PTPN13: variants seen among roughly 807,000 people sequenced by gnomAD.
PTPN13 encodes the protein tyrosine-protein phosphatase non-receptor type 13.
A neutral mutation model predicts 284.0 loss-of-function variants in PTPN13; 191 were observed. The ratio of observed to expected loss-of-function variants is 0.67; its 90% CI spans 0.60 to 0.76. The LOEUF is 0.76. PTPN13 is among the 30% of genes least tolerant of loss of function. The pLI, the probability that PTPN13 is intolerant of heterozygous loss-of-function variation, is 0.00. For synonymous variants in PTPN13, 986 were observed against 1,022.3 expected (o/e 0.96, Z 0.68); for missense variants, 2,797 against 2,939.9 (o/e 0.95, Z 1.12).
intron 42 of PTPN13, 78 bp from the exon 43 acceptor site, chr4:86,803,631 T>C: frequency 7.0e-7 from 1 of 1,438,200 alleles, no homozygotes; most frequent in East Asian, 2.3e-5. Flanking sequence ...TAAGATGAGG[T>C]GAACATAGGC....
At position 86,701,692 on chromosome 4, in the gene PTPN13, A is replaced by G. The variant is rs777701449; in HGVS notation, c.1086A>G (p.Ile362Met). ...DIFGPQKMDP[I>M]YHTRELPTSS... ...TTGGCCCTCAGAAAATGGATCCAATATATCACACTCGAGAATTGCCCACCT... is the reference window on the plus strand; with the variant it reads ...TTGGCCCTCAGAAAATGGATCCAATGTATCACACTCGAGAATTGCCCACCT... The change falls in exon 7 of 48, where the codon ATA becomes ATG. Residue 362 changes from isoleucine (I) to methionine (M), a missense_variant. Transcript: ENST00000411767. 2.5e-6 allele frequency: 4 copies of G among 1,613,948 alleles called. No homozygotes were observed. The highest frequency in any genetic ancestry group is 1.1e-5 in the South Asian group (1 of 91,084).
At chr4:86,647,218 A>G (rs762663608) in intron 2 of PTPN13, among the ~76,000 whole-genome samples, 2 of 152,192 alleles carry the variant, frequency 1.3e-5, no homozygotes, top group Non-Finnish European at 2.9e-5. Flanking sequence ...AGTATGTGCA[A>G]TTATTGTATG....
intron 8 of PTPN13, 132 bp downstream of exon 8, chr4:86,716,757 T>C (rs1733068513): frequency 1.3e-6 from 1 of 742,928 alleles, no homozygotes. Flanking sequence ...TTAAAAAAGC[T>C]GCTGGTTACT....
chr4:86,738,515 T>C (rs939640133), intron 15 of PTPN13, among the ~76,000 whole-genome samples: 1 of 152,250 alleles, frequency 6.6e-6, no homozygotes, highest in Non-Finnish European at 1.5e-5. Context: ...ATCATCTTTA[T>C]TGATGTGTCA....
chr4:86,710,078 C>T (rs1197753815), intron 7 of PTPN13, among the ~76,000 whole-genome samples: 1 of 152,096 alleles, frequency 6.6e-6, no homozygotes, highest in African/African-American at 2.4e-5. Flanking sequence ...TCGCTAATCT[C>T]CCAAAATTAT....
chr4:86,692,035 T>C (rs955687146), intron 5 of PTPN13, among the ~76,000 whole-genome samples: 1 of 152,228 alleles, frequency 6.6e-6, no homozygotes, highest in Non-Finnish European at 1.5e-5. Context: ...AAAGTAGTTA[T>C]TTCCACATTA....
intron 17 of PTPN13, among the ~76,000 whole-genome samples, chr4:86,748,621 G>T (rs916001123): frequency 6.6e-5 from 10 of 151,974 alleles, no homozygotes; most frequent in African/African-American, 2.4e-4. Context: ...AGCATTATTT[G>T]CTCTAATAAA....
chr4:86,647,352 T>C (rs1724560444), intron 2 of PTPN13, among the ~76,000 whole-genome samples: 1 of 152,060 alleles, frequency 6.6e-6, no homozygotes, highest in African/African-American at 2.4e-5. Flanking sequence ...AAAAGAAAAA[T>C]GTTTTTCAGT....
At chr4:86,760,727 GT>G (rs910684283) in intron 23 of PTPN13, among the ~76,000 whole-genome samples, 48 of 150,864 alleles carry the variant, frequency 3.2e-4, no homozygotes, top group African/African-American at 1.1e-3. Flanking sequence ...GTTTTGTGTG[GT>G]TTTTTTTTCT....
chr4:86,699,965 A>G (rs1261152745), intron 6 of PTPN13, among the ~76,000 whole-genome samples: 2 of 152,166 alleles, frequency 1.3e-5, no homozygotes, highest in Non-Finnish European at 2.9e-5. Context: ...GTGGTATGGT[A>G]TATTTCTTGG....
chr4:86,728,643 C>CATTTTTTTTTTTTTT (rs1734569004), intron 10 of PTPN13, among the ~76,000 whole-genome samples: 1 of 24,500 alleles, frequency 4.1e-5, no homozygotes, highest in Non-Finnish European at 7.6e-5. Context: ...CAACCCCTGC[C>CATTTTTTTTTTTTTT]TTTTTTTTTT....
At position 86,782,032 on chromosome 4, in the gene PTPN13, C is replaced by A. The variant is rs1024710023; in HGVS notation, c.5963-169C>A. On this transcript the variant is annotated intron_variant, in intron 36 of 47. Transcript: ENST00000411767. ...CCCAAAAATATTAGAGGTTTGGAAT[C>A]AAATATTATTCCATTTATTTGGTTT... Among the ~76,000 whole-genome samples, 11 of 151,254 alleles carry A rather than the reference C, an allele frequency of 7.3e-5. No homozygotes were observed. In the East Asian group the frequency reaches 2.1e-3, roughly 29 times the overall value.
chr4:86,805,709 T>C (rs1172515712), intron 44 of PTPN13, among the ~76,000 whole-genome samples: 1 of 152,206 alleles, frequency 6.6e-6, no homozygotes, highest in African/African-American at 2.4e-5. Flanking sequence ...ATTTTCTTGG[T>C]TGGATTCATT....
intron 2 of PTPN13, among the ~76,000 whole-genome samples, chr4:86,659,585 G>A (rs1015703311): frequency 4.6e-5 from 7 of 152,144 alleles, no homozygotes; most frequent in Non-Finnish European, 8.8e-5. Context: ...GGAGGCCAAG[G>A]TGGACGGATC....
chr4:86,682,174 C>G (rs1728968697), intron 3 of PTPN13, among the ~76,000 whole-genome samples: 1 of 152,168 alleles, frequency 6.6e-6, no homozygotes, highest in African/African-American at 2.4e-5. Context: ...TCTAGCTCTT[C>G]TATACATGCA....
chr4:86,723,035 A>G (rs1733844881), intron 10 of PTPN13, among the ~76,000 whole-genome samples: 1 of 152,130 alleles, frequency 6.6e-6, no homozygotes, highest in Non-Finnish European at 1.5e-5. Flanking sequence ...TTTTCTTTCA[A>G]CCTATGACAA....
intron 2 of PTPN13, among the ~76,000 whole-genome samples, chr4:86,642,910 T>A (rs1268018758): frequency 1.3e-5 from 2 of 152,222 alleles, no homozygotes; most frequent in Non-Finnish European, 2.9e-5. Flanking sequence ...TTATGAATAA[T>A]CTTTAGAAGT....
chr4:86,615,728 A>G (rs966993007), intron 1 of PTPN13, among the ~76,000 whole-genome samples: 1 of 152,152 alleles, frequency 6.6e-6, no homozygotes, highest in Non-Finnish European at 1.5e-5. Context: ...CATATATGAT[A>G]CTGAAAACTA....
rs1378803066 is a variant in PTPN13, at chr4:86,807,907, T to G, written c.7083+10T>G. 3 of 1,595,948 alleles carry G rather than the reference T, an allele frequency of 1.9e-6. No homozygotes were observed. In the African/African-American group the frequency reaches 4.0e-5, roughly 21 times the overall value. ...CCTTGAAGATATTCAGGTAAGTGAA[T>G]GAAATCTTTCCCTGTTGGAAGGTGT... On this transcript the variant is annotated intron_variant, in intron 45 of 47. Coordinates refer to ENST00000411767, the MANE Select transcript of PTPN13 (RefSeq NM_080683.3).
Sources: allele counts gnomAD v4.1 joint callset (sites outside exome capture counted in the v4.1 genomes callset), GRCh38; gene constraint gnomAD v4.1.1; transcripts MANE v1.5; gene names NCBI Gene and HGNC (gene_info 2026-07-23, HGNC 2026-07-21).